Variants in CLCN4 observed in about 807,000 individuals in gnomAD.
CLCN4 encodes the protein H(+)/Cl(-) exchange transporter 4.
A neutral mutation model predicts 41.7 loss-of-function variants in CLCN4; 1 was observed. The observed-to-expected ratio is 0.02, with a 90% CI of 0.01 to 0.11. The LOEUF is 0.11. Ranked by LOEUF, CLCN4 falls within the 10% of genes least tolerant of loss-of-function variation. CLCN4 has a pLI of 1.00. For synonymous variants in CLCN4, 277 were observed against 285.8 expected (o/e 0.97, Z 0.31); for missense variants, 287 against 661.0 (o/e 0.43, Z 6.20).
intron 11 of CLCN4, among the ~76,000 whole-genome samples, chrX:10,216,983 C>T (rs1271355178): frequency 1.0e-5 from 1 of 96,785 alleles, no homozygotes; most frequent in African/African-American, 3.8e-5. Context: ...GTAAAACAAT[C>T]TGCTTTTTCT....
intron 6 of CLCN4, among the ~76,000 whole-genome samples, chrX:10,201,219 C>T (rs1298908729): frequency 1.8e-5 from 2 of 111,825 alleles, no homozygotes; most frequent in Non-Finnish European, 3.8e-5. Flanking sequence ...GAGGCAAACA[C>T]GAGGTAGCCA....
chrX:10,207,901 C>T (rs1345616404), intron 8 of CLCN4, 144 bp from the exon 9 acceptor site: 16 of 492,849 alleles, frequency 3.2e-5, no homozygotes, highest in Non-Finnish European at 4.9e-5. Flanking sequence ...TTTGCTGATG[C>T]GTTTTGGTCA....
intron 12 of CLCN4, among the ~76,000 whole-genome samples, chrX:10,229,319 A>G (rs1381425177): frequency 1.8e-5 from 2 of 110,472 alleles, no homozygotes; most frequent in Non-Finnish European, 3.8e-5. Flanking sequence ...TTGTTTAAAA[A>G]CATTTATTTA....
intron 2 of CLCN4, among the ~76,000 whole-genome samples, chrX:10,165,536 G>A (rs1408183117): frequency 2.7e-5 from 3 of 111,544 alleles, no homozygotes; most frequent in Non-Finnish European, 5.7e-5. Flanking sequence ...TTCCTTATGG[G>A]GGAGGCTGCT....
intron 9 of CLCN4, 88 bp downstream of exon 9, chrX:10,208,678 A>G: frequency 1.2e-6 from 1 of 866,438 alleles, no homozygotes; most frequent in South Asian, 2.5e-5. Flanking sequence ...GCGGTGGGAA[A>G]AAAAGGGGAA....
In CLCN4 at chrX:10,234,172, C is replaced by T. The variant is rs778822533; in HGVS notation, c.*588C>T. ...CCGTCCTGTTTCTTGCTCCTGTTCT[C>T]AGCCTGTTATCTGGCTTATCCATCA... On this transcript the variant is annotated 3_prime_UTR_variant, in exon 13 of 13. Coordinates refer to ENST00000380833, the MANE Select transcript of CLCN4 (RefSeq NM_001830.4). The T allele has an allele frequency of 3.5e-5, 4 of 112,949 alleles. No homozygotes were observed. Among genetic ancestry groups the T allele is most frequent in the Admixed American group, 9.4e-5 (1 of 10,645 alleles). The allele number at this position is 112,949 out of a possible 1,213,427, so 9.3% of individuals were successfully genotyped here.
At position 10,208,113 on chromosome X, in the gene CLCN4, G is replaced by T. The variant is rs1361783752; in HGVS notation, c.912G>T (p.Thr304=). ...SFFAALVAAF[T]LRSINPFGNS... is the part of the protein sequence containing the mutation. ...TCGCAGCCCTGGTGGCGGCCTTTAC[G>T]CTGAGATCCATCAATCCCTTTGGGA... The change falls in exon 9 of 13, where the codon ACG becomes ACT. Residue 304 remains threonine (T), a synonymous_variant. Coordinates refer to ENST00000380833, the MANE Select transcript of CLCN4 (RefSeq NM_001830.4). 8.3e-7 allele frequency: 1 copy of T among 1,209,554 alleles called. No homozygotes were observed. Among genetic ancestry groups the T allele is most frequent in the Non-Finnish European group, 1.1e-6 (1 of 895,021 alleles).
chrX:10,232,920 A>G (rs926587083), intron 12 of CLCN4, among the ~76,000 whole-genome samples: 4 of 112,106 alleles, frequency 3.6e-5, no homozygotes, highest in Non-Finnish European at 7.5e-5. Context: ...AGTAAGAATT[A>G]CAAATAGAAT....
intron 12 of CLCN4, among the ~76,000 whole-genome samples, chrX:10,229,511 A>G (rs1925071888): frequency 9.1e-6 from 1 of 109,606 alleles, no homozygotes; most frequent in Admixed American, 9.8e-5. Context: ...CATCATTTAC[A>G]TTAGGTATAT....
chrX:10,213,561 A>G (rs1354611856), intron 10 of CLCN4, 120 bp from the exon 11 acceptor site: 1 of 653,631 alleles, frequency 1.5e-6, no homozygotes, highest in Non-Finnish European at 2.4e-6. Context: ...AGCATGTAGG[A>G]GAGTCTGCTT....
intron 3 of CLCN4, 103 bp downstream of exon 3, chrX:10,185,279 GT>G: frequency 1.1e-6 from 1 of 892,207 alleles, no homozygotes; most frequent in Non-Finnish European, 1.5e-6. Context: ...CATGTGCTGG[GT>G]TAGGGTCTAA....
At chrX:10,195,586 C>G (rs1490151500) in intron 5 of CLCN4, among the ~76,000 whole-genome samples, 1 of 112,117 alleles carries the variant, frequency 8.9e-6, no homozygotes, top group East Asian at 2.8e-4. Context: ...TTACCACAAT[C>G]TAATTTTAGA....
intron 2 of CLCN4, among the ~76,000 whole-genome samples, chrX:10,168,954 A>G (rs1602138294): frequency 9.0e-6 from 1 of 110,867 alleles, no homozygotes; most frequent in East Asian, 2.8e-4. Context: ...TCCTCCTCAT[A>G]GCCCTGTATA....
intron 5 of CLCN4, among the ~76,000 whole-genome samples, chrX:10,196,027 T>C (rs1477536739): frequency 8.9e-6 from 1 of 112,303 alleles, no homozygotes; most frequent in Non-Finnish European, 1.9e-5. Flanking sequence ...TTACTCTATG[T>C]TTAACCTTTT....
intron 2 of CLCN4, among the ~76,000 whole-genome samples, chrX:10,165,610 G>T (rs760085437): frequency 1.7e-4 from 19 of 112,280 alleles, no homozygotes; most frequent in African/African-American, 6.1e-4. Flanking sequence ...AGCCTTGCCC[G>T]CAGTTTCGCG....
intron 2 of CLCN4, among the ~76,000 whole-genome samples, chrX:10,161,297 C>T (rs1923095272): frequency 9.0e-6 from 1 of 110,919 alleles, no homozygotes; most frequent in Non-Finnish European, 1.9e-5. Context: ...TGGCTCCATC[C>T]ACTCCCCACG....
At chrX:10,221,035 G>A (rs1924848123) in intron 12 of CLCN4, among the ~76,000 whole-genome samples, 158 bp downstream of exon 12, 1 of 111,370 alleles carries the variant, frequency 9.0e-6, no homozygotes, top group African/African-American at 3.3e-5. Flanking sequence ...AAATGTACAG[G>A]GAGCTTGGGA....
chrX:10,181,086 A>C (rs960548765), intron 2 of CLCN4, among the ~76,000 whole-genome samples: 2 of 110,701 alleles, frequency 1.8e-5, no homozygotes, highest in Non-Finnish European at 3.8e-5. Flanking sequence ...GGCTGCGTGC[A>C]GTGGCTCACA....
intron 2 of CLCN4, among the ~76,000 whole-genome samples, chrX:10,161,240 C>T (rs753449367): frequency 8.3e-5 from 9 of 108,309 alleles, no homozygotes; most frequent in Non-Finnish European, 1.5e-4. Flanking sequence ...GGAGGTTGGC[C>T]TTCGGTGAGG....
Sources: allele counts gnomAD v4.1 joint callset (sites outside exome capture counted in the v4.1 genomes callset), GRCh38; gene constraint gnomAD v4.1.1; transcripts MANE v1.5; gene names NCBI Gene and HGNC (gene_info 2026-07-23, HGNC 2026-07-21).